Variants in LAMP2 observed in about 807,000 individuals in gnomAD.
LAMP2 encodes the protein lysosome associated membrane protein 2.
A neutral mutation model predicts 25.6 loss-of-function variants in LAMP2; 4 were observed. The observed-to-expected ratio is 0.16, with a 90% CI of 0.08 to 0.36. The LOEUF (loss-of-function observed/expected upper bound fraction) is 0.36. Ranked by LOEUF, LAMP2 falls within the 10% of genes least tolerant of loss-of-function variation. The probability of loss-of-function intolerance (pLI) is 1.00; values close to 1 mark genes in which losing one functional copy is unlikely to be tolerated. For synonymous variants in LAMP2, 108 were observed against 112.7 expected, an observed-to-expected ratio of 0.96 and a Z score of 0.27; for missense variants, 272 against 301.4, an observed-to-expected ratio of 0.90 and a Z score of 0.72.
intron 6 of LAMP2, among the ~76,000 whole-genome samples, chrX:120,444,619 T>C (rs2058588446): frequency 8.9e-6 from 1 of 111,801 alleles, no homozygotes; most frequent in Non-Finnish European, 1.9e-5. Context: ...TTCTCTGGTC[T>C]GGCACTCATC....
chrX:120,450,993 T>TA (rs914586341), intron 3 of LAMP2, among the ~76,000 whole-genome samples: 3 of 110,295 alleles, frequency 2.7e-5, no homozygotes, highest in Non-Finnish European at 5.7e-5. Flanking sequence ...AGTGGCATGA[T>TA]ATGAGCTCAC....
intron 1 of LAMP2, among the ~76,000 whole-genome samples, chrX:120,463,773 G>C: frequency 9.4e-6 from 1 of 106,623 alleles, no homozygotes; most frequent in East Asian, 3.0e-4. Context: ...AACCCTATCA[G>C]ATATGATAAT....
At chrX:120,439,879 G>C (rs750461824) in intron 8 of LAMP2, among the ~76,000 whole-genome samples, 71 of 111,041 alleles carry the variant, frequency 6.4e-4, no homozygotes, top group Non-Finnish European at 1.1e-3. Context: ...GGATCAGGAA[G>C]GTATCATGTG....
At position 120,430,587 on chromosome X, in the gene LAMP2, C is replaced by G. The variant is rs1203064520; in HGVS notation, c.*736G>C. ...AGCAAGTGGCTAAATATGCTTGGATCTTTTCAGTCTATATTGCTGAAAAAC... is the reference window on the plus strand; with the variant it reads ...AGCAAGTGGCTAAATATGCTTGGATGTTTTCAGTCTATATTGCTGAAAAAC... On this transcript the variant is annotated 3_prime_UTR_variant, in exon 9 of 9. Coordinates refer to ENST00000200639, the MANE Select transcript of LAMP2 (RefSeq NM_002294.3). The G allele has an allele frequency of 2.7e-6, 2 of 752,658 alleles. No individual in the cohort carries two copies. The highest frequency in any genetic ancestry group is 3.1e-6 in the Non-Finnish European group (2 of 638,532). 62.0% of individuals were successfully genotyped at this position (752,658 alleles called of 1,213,427 possible). A position where few individuals can be genotyped will look rare whatever the true frequency, so the allele number is the denominator to read the frequency against.
chrX:120,444,630 C>T (rs1488214579), intron 6 of LAMP2, among the ~76,000 whole-genome samples: 1 of 111,709 alleles, frequency 9.0e-6, no homozygotes, highest in African/African-American at 3.3e-5. Flanking sequence ...GGCACTCATC[C>T]CATTTCATAT....
In LAMP2 at chrX:120,466,090, G is replaced by A. The variant is rs535473485; in HGVS notation, c.64+3016C>T. Among the ~76,000 whole-genome samples the A allele has an allele frequency of 3.9e-4, 43 of 111,681 alleles. No individual in the cohort carries two copies. In the South Asian group the frequency reaches 0.01, roughly 26 times the overall value. ...CAAATCCTGCTCTGAACTTGGAGGC[G>A]GAGGGAATCAATCTTGGAAATTTTC... On this transcript the variant is annotated intron_variant, in intron 1 of 8. Transcript: ENST00000200639.
chrX:120,455,478 G>A lies in LAMP2; in HGVS notation c.276C>T (p.Phe92=), dbSNP rs754577706. The change falls in exon 3 of 9, where the codon TTC becomes TTT. Residue 92 remains phenylalanine, a synonymous_variant. Transcript: ENST00000200639. ...DQNGPKIAVQ[F]GPGFSWIANF... ...TCGCAATCCAGGAAAAGCCAGGTCC[G>A]AACTGCACTGCTATTTTGGGACCAT... The A allele has an allele frequency of 1.5e-5, 18 of 1,206,883 alleles. No individual in the cohort carries two copies. The highest frequency in any genetic ancestry group is 8.8e-5 in the Admixed American group (4 of 45,538).
chrX:120,438,474 A>G (rs2058555522), intron 8 of LAMP2: 1 of 731,768 alleles, frequency 1.4e-6, no homozygotes. Flanking sequence ...TAAAAAAAAG[A>G]TTAAACAATA....
chrX:120,436,145 C>G (rs1039035991), intron 8 of LAMP2, among the ~76,000 whole-genome samples: 6 of 103,181 alleles, frequency 5.8e-5, no homozygotes, highest in Admixed American at 3.1e-4. Flanking sequence ...CACACACACA[C>G]ACACACACAC....
At position 120,429,111 on chromosome X, in the gene LAMP2, T is replaced by C; in HGVS notation, c.*2212A>G. On this transcript the variant is annotated 3_prime_UTR_variant, in exon 9 of 9. Transcript: ENST00000200639. Reference sequence around the variant, plus strand: ...GTGTGTATATATATGTGTATATATATGTATATGTGTATATATATGTGTGTG... The same window carrying C: ...GTGTGTATATATATGTGTATATATACGTATATGTGTATATATATGTGTGTG... 2 of 576,672 alleles carry C rather than the reference T, an allele frequency of 3.5e-6. No individual in the cohort carries two copies. The highest frequency in any genetic ancestry group is 4.2e-6 in the Non-Finnish European group (2 of 480,700). 47.5% of individuals were successfully genotyped at this position (576,672 alleles called of 1,213,427 possible).
chrX:120,434,777 A>G (rs185335484), intron 8 of LAMP2, among the ~76,000 whole-genome samples: 12 of 112,157 alleles, frequency 1.1e-4, no homozygotes, highest in African/African-American at 3.6e-4. Flanking sequence ...AATTTTCAAC[A>G]CAAGAACTGG....
intron 8 of LAMP2, chrX:120,438,303 T>G: frequency 1.3e-6 from 1 of 753,172 alleles, no homozygotes; most frequent in South Asian, 6.7e-5. Flanking sequence ...GCATTAATTT[T>G]AGTACTGCAT....
At chrX:120,464,436 T>TAAC (rs1921452411) in intron 1 of LAMP2, among the ~76,000 whole-genome samples, 1 of 111,633 alleles carries the variant, frequency 9.0e-6, no homozygotes, top group Admixed American at 9.5e-5. Context: ...CAATGGGAAG[T>TAAC]AACAGTACAT....
In LAMP2 at chrX:120,429,808, C is replaced by A; in HGVS notation, c.*1515G>T. The A allele has an allele frequency of 1.3e-6, 1 of 753,465 alleles. No homozygotes were observed. Among genetic ancestry groups the A allele is most frequent in the East Asian group, 1.5e-4 (1 of 6,669 alleles). The allele number at this position is 753,465 out of a possible 1,213,427, so 62.1% of individuals were successfully genotyped here. On this transcript the variant is annotated 3_prime_UTR_variant, in exon 9 of 9. Transcript: ENST00000200639. ...ATATGGAACCTCAATGAATTTCACT[C>A]CCCTTTCTGTAAATAATCGTTAAGG...
At chrX:120,440,469 T>C (rs1479916813) in intron 8 of LAMP2, among the ~76,000 whole-genome samples, 1 of 112,180 alleles carries the variant, frequency 8.9e-6, no homozygotes, top group African/African-American at 3.2e-5. Context: ...AGAACCTAGT[T>C]CCACAAATAG....
At chrX:120,435,658 G>A (rs1294517804) in intron 8 of LAMP2, among the ~76,000 whole-genome samples, 1 of 111,843 alleles carries the variant, frequency 8.9e-6, no homozygotes, top group Non-Finnish European at 1.9e-5. Context: ...TGAGTAGCAG[G>A]ATTTTAAAGC....
At position 120,437,362 on chromosome X, in the gene LAMP2, CCAGA is replaced by C. The variant is rs1250411191; in HGVS notation, c.1093+4364_1093+4367del. 12 of 742,839 alleles carry C rather than the reference CCAGA, an allele frequency of 1.6e-5. No individual in the cohort carries two copies. In the African/African-American group the frequency reaches 2.7e-4, roughly 16 times the overall value. The allele number at this position is 742,839 out of a possible 1,213,427, so 61.2% of individuals were successfully genotyped here. On this transcript the variant is annotated intron_variant, in intron 8 of 8. Transcript: ENST00000200639. Reference sequence around the variant, plus strand: ...CCATTCAATGTCAATATTTTGGAACCCAGACAATTTTCTCATTTTCTAGTGAATG... The same window carrying C: ...CCATTCAATGTCAATATTTTGGAACCCAATTTTCTCATTTTCTAGTGAATG...
chrX:120,436,375 T>G (rs972401295), intron 8 of LAMP2: 3 of 364,839 alleles, frequency 8.2e-6, no homozygotes, highest in East Asian at 4.1e-4. Context: ...CATCAGAACA[T>G]TTTGCAAATA....
intron 1 of LAMP2, among the ~76,000 whole-genome samples, chrX:120,462,254 C>T (rs1921343776): frequency 9.0e-6 from 1 of 111,104 alleles, no homozygotes. Context: ...CGGGCAGTGG[C>T]TCACACCAGT....
Sources: allele counts gnomAD v4.1 joint callset (sites outside exome capture counted in the v4.1 genomes callset), GRCh38; gene constraint gnomAD v4.1.1; transcripts MANE v1.5; gene names NCBI Gene and HGNC (gene_info 2026-07-23, HGNC 2026-07-21).